The following PIEZO2 variants were observed in gnomAD, a reference collection of about 807,000 sequenced individuals.
PIEZO2 encodes piezo-type mechanosensitive ion channel component 2.
Under a neutral mutation model 337.3 loss-of-function variants are expected in PIEZO2, and 172 were observed. That is an observed-to-expected ratio of 0.51 (90% CI 0.45 to 0.58). The LOEUF is 0.58. PIEZO2 is among the 20% of genes least tolerant of loss of function. PIEZO2 has a pLI of 0.00. For missense variants in PIEZO2, 3,028 were observed against 3,391.3 expected (o/e 0.89, Z 2.66); for synonymous variants, 1,251 against 1,228.5 (o/e 1.02, Z -0.38).
At position 10,678,338 on chromosome 18, in the gene PIEZO2, A is replaced by G. The variant is rs2143462771; in HGVS notation, c.7953-463T>C. ...CTTTAAAGAAAAGGCTAGAAAGTAA[A>G]TTTTTGGTAATTTGTACAGAATTGG... On this transcript the variant is annotated intron_variant, in intron 52 of 55. Coordinates refer to ENST00000674853, the MANE Select transcript of PIEZO2 (RefSeq NM_001378183.1). Among the ~76,000 whole-genome samples, 2 of 152,252 alleles carry G rather than the reference A, an allele frequency of 1.3e-5. 1 individual carries two copies.
Position 10,727,102 on chromosome 18 carries a change from G to C in PIEZO2, c.5029+4305C>G. 1 of 490,676 alleles carries C rather than the reference G, an allele frequency of 2.0e-6. No homozygotes were observed. 30.4% of individuals were successfully genotyped at this position (490,676 alleles called of 1,614,324 possible). On this transcript the variant is annotated intron_variant, in intron 36 of 55. Coordinates refer to ENST00000674853, the MANE Select transcript of PIEZO2 (RefSeq NM_001378183.1). The surrounding 1 kb of genome is among the most constrained non-coding windows in gnomAD (Gnocchi z 6.3). ...AAGGAGTGGCAACATCAAAGGGTTT[G>C]TGTCCCTTGCTAGCCTCCCTGGGGC...
intron 5 of PIEZO2, among the ~76,000 whole-genome samples, chr18:10,869,960 C>T (rs991056346): frequency 6.6e-6 from 1 of 152,058 alleles, no homozygotes; most frequent in Non-Finnish European, 1.5e-5. Context: ...ACTGCAACCT[C>T]TACCTCCTGA....
At chr18:10,832,934 G>A (rs954748732) in intron 7 of PIEZO2, among the ~76,000 whole-genome samples, 1 of 152,034 alleles carries the variant, frequency 6.6e-6, no homozygotes, top group South Asian at 2.1e-4. Context: ...TAGGCTGGAG[G>A]AGCCCACGTT....
intron 2 of PIEZO2, among the ~76,000 whole-genome samples, chr18:11,029,804 C>A (rs2036667093): frequency 6.6e-6 from 1 of 152,110 alleles, no homozygotes; most frequent in Non-Finnish European, 1.5e-5. Flanking sequence ...GTCTTGTTGA[C>A]CCCCTAGAAG....
chr18:10,718,995 A>T (rs186619970), intron 36 of PIEZO2, among the ~76,000 whole-genome samples: 273 of 150,274 alleles, frequency 1.8e-3, no homozygotes, highest in African/African-American at 6.4e-3. Flanking sequence ...ATAAATAAAT[A>T]AATAAATAAA....
rs879766418 is a variant in PIEZO2, at chr18:10,713,265, T to C, written c.5423+1499A>G. On this transcript the variant is annotated intron_variant, in intron 39 of 55. Transcript: ENST00000674853. This position sits in a 1 kb window ranked among gnomAD's most constrained non-coding sequence, Gnocchi z 4.5. ...TATGGATCTGCCTCAATAATAATTA[T>C]TGGGTAGCAAAATAATTGGCATAAT... Among the ~76,000 whole-genome samples, 4 of 152,258 alleles carry C rather than the reference T, an allele frequency of 2.6e-5. No homozygotes were observed. Among genetic ancestry groups the C allele is most frequent in the Non-Finnish European group, 4.4e-5 (3 of 68,016 alleles).
chr18:10,838,345 T>C (rs1184950075), intron 7 of PIEZO2, among the ~76,000 whole-genome samples: 1 of 152,204 alleles, frequency 6.6e-6, no homozygotes, highest in Admixed American at 6.5e-5. Flanking sequence ...ATATTTTATT[T>C]TGTGTGTGAG....
chr18:10,752,233 T>A (rs1001801048), intron 28 of PIEZO2, among the ~76,000 whole-genome samples: 1 of 152,248 alleles, frequency 6.6e-6, no homozygotes, highest in Non-Finnish European at 1.5e-5. Context: ...TCTTTCTAGA[T>A]AAGAGCGTTG....
intron 2 of PIEZO2, among the ~76,000 whole-genome samples, chr18:11,023,255 C>T (rs1031305741): frequency 2.6e-5 from 4 of 152,104 alleles, no homozygotes; most frequent in African/African-American, 9.7e-5. Flanking sequence ...GCTGATTGCT[C>T]CATTTTACAG....
intron 2 of PIEZO2, among the ~76,000 whole-genome samples, chr18:10,989,919 C>T (rs992890823): frequency 1.4e-4 from 21 of 152,098 alleles, no homozygotes; most frequent in Admixed American, 3.3e-4. Context: ...CCTAATTCTC[C>T]GACCCAGTCA....
Position 10,821,620 on chromosome 18 carries a change from C to T in PIEZO2, c.918-14346G>A, listed in dbSNP as rs2040522486. ...CTTCTTACCTCATTTCAGATACAAC[C>T]TAGAAGTTTTCCAGGTTGCTGGAAC... On this transcript the variant is annotated intron_variant, in intron 7 of 55. Transcript: ENST00000674853. This position sits in a 1 kb window ranked among gnomAD's most constrained non-coding sequence, Gnocchi z 4.2. Among the ~76,000 whole-genome samples the T allele has an allele frequency of 6.6e-6, 1 of 152,180 alleles. No homozygotes were observed. Among genetic ancestry groups the T allele is most frequent in the East Asian group, 1.9e-4 (1 of 5,190 alleles).
At position 10,953,901 on chromosome 18, in the gene PIEZO2, T is replaced by C. The variant is rs950860116; in HGVS notation, c.286+25634A>G. Among the ~76,000 whole-genome samples, 2 of 152,168 alleles carry C rather than the reference T, an allele frequency of 1.3e-5. No individual in the cohort carries two copies. Among genetic ancestry groups the C allele is most frequent in the African/African-American group, 2.4e-5 (1 of 41,442 alleles). ...CCTGGTTACTATGTGAGGACGATAC[T>C]GCCTTGTTTTAATGATTTGCGGCTG... is the stretch of plus-strand genomic sequence containing the variant. On this transcript the variant is annotated intron_variant, in intron 3 of 55. Coordinates refer to ENST00000674853, the MANE Select transcript of PIEZO2 (RefSeq NM_001378183.1). This position sits in a 1 kb window ranked among gnomAD's most constrained non-coding sequence, Gnocchi z 5.2.
chr18:10,697,991 G>C (rs2035172775), intron 44 of PIEZO2, 111 bp from the exon 45 acceptor site: 2 of 397,660 alleles, frequency 5.0e-6, no homozygotes, highest in Non-Finnish European at 7.2e-6. Context: ...GCTCAGGACT[G>C]TTTGGGAGGA....
At chr18:11,064,413 G>C (rs2038081921) in intron 2 of PIEZO2, among the ~76,000 whole-genome samples, 1 of 152,180 alleles carries the variant, frequency 6.6e-6, no homozygotes, top group Non-Finnish European at 1.5e-5. Context: ...TTTACCACGA[G>C]CAGTGCCAGC....
chr18:11,084,023 A>G (rs2038835128), intron 1 of PIEZO2, among the ~76,000 whole-genome samples: 1 of 152,034 alleles, frequency 6.6e-6, no homozygotes, highest in Non-Finnish European at 1.5e-5. Context: ...CTAAAAATAC[A>G]AAAATTAGCC....
intron 33 of PIEZO2, chr18:10,740,699 T>C (rs149253615): frequency 2.9e-4 from 132 of 450,078 alleles, no homozygotes; most frequent in African/African-American, 2.5e-3. Context: ...TGTATGTGAA[T>C]AGGGCTCTCG....
Position 11,132,047 on chromosome 18 carries a change from A to C in PIEZO2, c.64+16478T>G, listed in dbSNP as rs978267199. On this transcript the variant is annotated intron_variant, in intron 1 of 55. Transcript: ENST00000674853. The surrounding 1 kb of genome is among the most constrained non-coding windows in gnomAD (Gnocchi z 4.7). ...AGCAGAGACCAATACTGAGCCCTCG[A>C]TATGTCACCTTTCCTCAGGGTGATC... Among the ~76,000 whole-genome samples, 2 of 152,250 alleles carry C rather than the reference A, an allele frequency of 1.3e-5. No homozygotes were observed. The highest frequency in any genetic ancestry group is 3.9e-4 in the East Asian group (2 of 5,178).
In PIEZO2 at chr18:10,828,550, T is replaced by C. The variant is rs1255458780; in HGVS notation, c.918-21276A>G. ...AAAATATACATAAAGGTGTGAGTTCTAGGTGGATCATTGAATTATTGCAAA... is the reference window on the plus strand; with the variant it reads ...AAAATATACATAAAGGTGTGAGTTCCAGGTGGATCATTGAATTATTGCAAA... On this transcript the variant is annotated intron_variant, in intron 7 of 55. Transcript: ENST00000674853. The surrounding 1 kb of genome is among the most constrained non-coding windows in gnomAD (Gnocchi z 4.1). Among the ~76,000 whole-genome samples the C allele has an allele frequency of 6.6e-6, 1 of 152,172 alleles. No homozygotes were observed.
rs185302770 is a variant in PIEZO2 at position 11,105,290 on chromosome 18, C to T, written c.65-39068G>A. On this transcript the variant is annotated intron_variant, in intron 1 of 55. Transcript: ENST00000674853. This position sits in a 1 kb window ranked among gnomAD's most constrained non-coding sequence, Gnocchi z 4.3. Reference sequence around the variant, plus strand: ...ATGGACTCACAACGCCCATTTGACACACTCAGTGCCTTGGCTGAAAGGGAA... The same window carrying T: ...ATGGACTCACAACGCCCATTTGACATACTCAGTGCCTTGGCTGAAAGGGAA... Among the ~76,000 whole-genome samples the T allele has an allele frequency of 9.8e-5, 15 of 152,326 alleles. No homozygotes were observed. The East Asian group carries it at 2.5e-3, about 25-fold the overall frequency.
Sources: gnomAD v4.1 joint callset for allele counts (sites outside exome capture counted in the v4.1 genomes callset) on GRCh38, gnomAD v4.1.1 for gene constraint, Gnocchi (gnomAD v3.1) non-coding constraint, MANE v1.5 for transcripts, NCBI Gene and HGNC (gene_info 2026-07-23, HGNC 2026-07-21) for gene names.